RPTOR: variants seen among roughly 807,000 people sequenced by gnomAD.
The protein encoded by RPTOR is regulatory-associated protein of mTOR.
A neutral mutation model predicts 169.9 loss-of-function variants in RPTOR; 21 were observed. The ratio of observed to expected loss-of-function variants is 0.12; its 90% CI spans 0.09 to 0.18. The LOEUF (loss-of-function observed/expected upper bound fraction) is 0.18, where lower values mean the gene tolerates loss of function less well. Ranked by LOEUF, RPTOR falls within the 10% of genes least tolerant of loss-of-function variation. The pLI is 1.00. For synonymous variants in RPTOR, 732 were observed against 753.2 expected, an observed-to-expected ratio of 0.97 and a Z score of 0.46; for missense variants, 1,133 against 1,855.9, an observed-to-expected ratio of 0.61 and a Z score of 7.16.
At chr17:80,942,616 C>T (rs1346423624) in intron 25 of RPTOR, among the ~76,000 whole-genome samples, 8 of 152,008 alleles carry the variant, frequency 5.3e-5, no homozygotes, top group East Asian at 1.9e-4. Context: ...AATTCGGATT[C>T]GGTGCAGGCG....
chr17:80,715,585 G>GT (rs34329434), intron 4 of RPTOR, among the ~76,000 whole-genome samples: 8,988 of 146,046 alleles, frequency 0.062, 890 homozygotes, highest in African/African-American at 0.21. Flanking sequence ...TTATTTTTAT[G>GT]TTTTTTTTTT....
At chr17:80,889,484 ACTAATGTGGCCTCC>A (rs2143859247) in intron 17 of RPTOR, among the ~76,000 whole-genome samples, 1 of 152,272 alleles carries the variant, frequency 6.6e-6, no homozygotes, top group African/African-American at 2.4e-5. Flanking sequence ...GCCCGTGGCC[ACTAATGTGGCCTCC>A]CCGTCTGTGT....
At chr17:80,881,945 A>G (rs993052517) in intron 14 of RPTOR, among the ~76,000 whole-genome samples, 1 of 152,266 alleles carries the variant, frequency 6.6e-6, no homozygotes, top group Non-Finnish European at 1.5e-5. Flanking sequence ...ATGAGAAAAC[A>G]TTCAGTGCTT....
chr17:80,860,249 G>A lies in RPTOR; in HGVS notation c.1509+2349G>A, dbSNP rs548789026. ...CTGGCCACCAGGACCTGCTGTGCTC[G>A]CTGAAGCTGCCCTGTTGGGCTTTGT... is the stretch of plus-strand genomic sequence containing the variant. On this transcript the variant is annotated intron_variant, in intron 13 of 33. Coordinates refer to ENST00000306801, the MANE Select transcript of RPTOR (RefSeq NM_020761.3). This position sits in a 1 kb window ranked among gnomAD's most constrained non-coding sequence, Gnocchi z 5.8. Among the ~76,000 whole-genome samples, 4 of 152,216 alleles carry A rather than the reference G, an allele frequency of 2.6e-5. No individual in the cohort carries two copies. Among genetic ancestry groups the A allele is most frequent in the Non-Finnish European group, 4.4e-5 (3 of 68,030 alleles).
At chr17:80,768,070 G>C (rs1053869959) in intron 6 of RPTOR, among the ~76,000 whole-genome samples, 1 of 152,122 alleles carries the variant, frequency 6.6e-6, no homozygotes, top group Non-Finnish European at 1.5e-5. Context: ...CACCATGTTA[G>C]CCAGGATGGT....
chr17:80,584,790 G>T (rs2065045135), intron 1 of RPTOR, among the ~76,000 whole-genome samples: 1 of 152,186 alleles, frequency 6.6e-6, no homozygotes, highest in Admixed American at 6.5e-5. Flanking sequence ...ATGAGAAAAT[G>T]GGAATTATGC....
At chr17:80,922,478 C>T (rs2068757185) in intron 21 of RPTOR, among the ~76,000 whole-genome samples, 1 of 152,230 alleles carries the variant, frequency 6.6e-6, no homozygotes, top group Admixed American at 6.5e-5. Context: ...CCCAGACATC[C>T]CGGCTCACAC....
intron 4 of RPTOR, among the ~76,000 whole-genome samples, chr17:80,713,964 G>C (rs929298260): frequency 1.3e-5 from 2 of 152,094 alleles, no homozygotes; most frequent in African/African-American, 2.4e-5. Context: ...TTGAGATGGA[G>C]TCTCGCTTTG....
intron 10 of RPTOR, 82 bp from the exon 11 acceptor site, chr17:80,846,391 G>A: frequency 7.3e-7 from 1 of 1,374,112 alleles, no homozygotes; most frequent in East Asian, 2.3e-5. Flanking sequence ...AGGCTTGGAT[G>A]CCCGGCAGGT....
rs2067900275 is a variant in RPTOR at position 80,860,041 on chromosome 17, G to A, written c.1509+2141G>A. On this transcript the variant is annotated intron_variant, in intron 13 of 33. Coordinates refer to ENST00000306801, the MANE Select transcript of RPTOR (RefSeq NM_020761.3). The surrounding 1 kb of genome is among the most constrained non-coding windows in gnomAD (Gnocchi z 5.8). ...GAACACCTTGGAGAGGCCATGGCTT[G>A]GAGCCGGGGAAGACCACCCTTTCCT... Among the ~76,000 whole-genome samples the A allele has an allele frequency of 2.0e-5, 3 of 152,222 alleles. No individual in the cohort carries two copies. Among genetic ancestry groups the A allele is most frequent in the South Asian group, 4.1e-4 (2 of 4,836 alleles).
intron 2 of RPTOR, among the ~76,000 whole-genome samples, chr17:80,628,867 A>G (rs556820214): frequency 1.2e-4 from 19 of 152,316 alleles, no homozygotes; most frequent in Admixed American, 5.2e-4. Flanking sequence ...ATCTTTTCAA[A>G]TATTTATTGT....
rs2067014119 is a variant in RPTOR, at chr17:80,788,292, G to A, written c.831-3158G>A. On this transcript the variant is annotated intron_variant, in intron 6 of 33. Transcript: ENST00000306801. ...GTTCGAGACCAGCCTGACCAACATG[G>A]CAAAACCCCACATTTACTAAAAATA... is the stretch of plus-strand genomic sequence containing the variant. Among the ~76,000 whole-genome samples, 3 of 152,160 alleles carry A rather than the reference G, an allele frequency of 2.0e-5. No individual in the cohort carries two copies. In the South Asian group the frequency reaches 6.2e-4, roughly 32 times the overall value.
chr17:80,874,889 A>C (rs1331442016), intron 13 of RPTOR, among the ~76,000 whole-genome samples: 1 of 152,114 alleles, frequency 6.6e-6, no homozygotes, highest in Non-Finnish European at 1.5e-5. Context: ...CGCTCATAAC[A>C]AGGGCTAAAC....
At chr17:80,640,608 A>G (rs1427557197) in intron 2 of RPTOR, among the ~76,000 whole-genome samples, 1 of 152,206 alleles carries the variant, frequency 6.6e-6, no homozygotes, top group African/African-American at 2.4e-5. Context: ...GACCTGAGTC[A>G]GGGCAGGGAG....
rs562252103 is a variant in RPTOR at position 80,605,994 on chromosome 17, G to A, written c.163-19697G>A. On this transcript the variant is annotated intron_variant, in intron 1 of 33. Transcript: ENST00000306801. Reference sequence around the variant, plus strand: ...AGTGTGGTGGTGGTGTTTTCTATGCGTGTCTCTTACCAATAGACTTTTGTT... The same window carrying A: ...AGTGTGGTGGTGGTGTTTTCTATGCATGTCTCTTACCAATAGACTTTTGTT... Among the ~76,000 whole-genome samples the A allele has an allele frequency of 3.3e-5, 5 of 152,190 alleles. No individual in the cohort carries two copies. The South Asian group carries it at 8.3e-4, about 25-fold the overall frequency.
chr17:80,876,552 C>G (rs75032657), intron 13 of RPTOR, among the ~76,000 whole-genome samples: 2,238 of 74,774 alleles, frequency 0.03, 367 homozygotes, highest in East Asian at 0.081. Flanking sequence ...TCCCACCGAG[C>G]CTGTGCCACG....
chr17:80,844,507 C>T lies in RPTOR; in HGVS notation c.1213-1966C>T, dbSNP rs182847327. On this transcript the variant is annotated intron_variant, in intron 10 of 33. Transcript: ENST00000306801. The surrounding 1 kb of genome is among the most constrained non-coding windows in gnomAD (Gnocchi z 4.7). ...GGGATGTGGAGGAGGGGGTACTTAA[C>T]GAGATTTTTTTTTAACCAATTTATG... is the stretch of plus-strand genomic sequence containing the variant. Among the ~76,000 whole-genome samples, 1 of 152,204 alleles carries T rather than the reference C, an allele frequency of 6.6e-6. No individual in the cohort carries two copies. Among genetic ancestry groups the T allele is most frequent in the African/African-American group, 2.4e-5 (1 of 41,514 alleles).
At chr17:80,867,936 G>C (rs544553113) in intron 13 of RPTOR, among the ~76,000 whole-genome samples, 20 of 152,256 alleles carry the variant, frequency 1.3e-4, no homozygotes, top group African/African-American at 4.8e-4. Flanking sequence ...GAAATACAAA[G>C]GACCTACAGC....
At chr17:80,744,143 TATCCTG>T (rs1567888216) in intron 5 of RPTOR, among the ~76,000 whole-genome samples, 3 of 64,772 alleles carry the variant, frequency 4.6e-5, no homozygotes, top group South Asian at 4.4e-4. Context: ...CTACTAGCAC[TATCCTG>T]GTTACTAGCA....
Sources: allele counts gnomAD v4.1 joint callset (sites outside exome capture counted in the v4.1 genomes callset), GRCh38; gene constraint gnomAD v4.1.1; non-coding constraint Gnocchi (gnomAD v3.1); transcripts MANE v1.5; gene names NCBI Gene and HGNC (gene_info 2026-07-23, HGNC 2026-07-21).